The following NCAM2 variants were observed in gnomAD, a reference collection of about 807,000 sequenced individuals.
NCAM2 encodes the protein neural cell adhesion molecule 2.
Under a neutral mutation model 98.1 loss-of-function variants are expected in NCAM2, and 30 were observed. That is an observed-to-expected ratio of 0.31 (90% CI 0.23 to 0.41). NCAM2 has a LOEUF of 0.41. NCAM2 is among the 10% of genes least tolerant of loss of function. The pLI, the probability that NCAM2 is intolerant of heterozygous loss-of-function variation, is 1.00. For synonymous variants in NCAM2, 368 were observed against 342.4 expected, an observed-to-expected ratio of 1.07 and a Z score of -0.83; for missense variants, 867 against 1,005.8, an observed-to-expected ratio of 0.86 and a Z score of 1.87.
At chr21:21,037,006 A>C (rs2064813646) in intron 1 of NCAM2, among the ~76,000 whole-genome samples, 1 of 152,156 alleles carries the variant, frequency 6.6e-6, no homozygotes, top group African/African-American at 2.4e-5. Context: ...ACTAAATAGC[A>C]ATAGATGTCA....
At chr21:21,362,575 C>T (rs975952104) in intron 8 of NCAM2, among the ~76,000 whole-genome samples, 13 of 151,926 alleles carry the variant, frequency 8.6e-5, no homozygotes, top group African/African-American at 3.1e-4. Flanking sequence ...CTCTTAAGAT[C>T]AATTAATGAA....
At chr21:21,150,058 C>T (rs930649863) in intron 1 of NCAM2, among the ~76,000 whole-genome samples, 2 of 152,090 alleles carry the variant, frequency 1.3e-5, no homozygotes, top group Non-Finnish European at 2.9e-5. Context: ...CCTATTTCTC[C>T]ACAGCCTTCT....
At chr21:21,287,960 A>G (rs2073159505) in intron 4 of NCAM2, among the ~76,000 whole-genome samples, 1 of 151,938 alleles carries the variant, frequency 6.6e-6, no homozygotes, top group East Asian at 1.9e-4. Context: ...CTTTAGACAT[A>G]AAGTCCTTTC....
At chr21:21,097,231 C>G (rs1404883767) in intron 1 of NCAM2, among the ~76,000 whole-genome samples, 1 of 151,688 alleles carries the variant, frequency 6.6e-6, no homozygotes, top group Admixed American at 6.6e-5. Context: ...GGTGATTGGT[C>G]ATCGGTCATG....
In NCAM2 at chr21:21,334,438, G is replaced by A. The variant is rs191446467; in HGVS notation, c.738-1067G>A. Among the ~76,000 whole-genome samples the A allele has an allele frequency of 3.3e-5, 5 of 152,232 alleles. No homozygotes were observed. The East Asian group carries it at 9.6e-4, about 29-fold the overall frequency. ...AATTCACTGGAAGGAACTGCTTAGTGTATCAGAGAAATGTTTGATTTTATT... is the reference window on the plus strand; with the variant it reads ...AATTCACTGGAAGGAACTGCTTAGTATATCAGAGAAATGTTTGATTTTATT... On this transcript the variant is annotated intron_variant, in intron 6 of 17. Coordinates refer to ENST00000400546, the MANE Select transcript of NCAM2 (RefSeq NM_004540.5).
intron 1 of NCAM2, among the ~76,000 whole-genome samples, chr21:21,191,687 C>T (rs115470712): frequency 0.014 from 2,109 of 152,136 alleles, 52 homozygotes; most frequent in African/African-American, 0.048. Context: ...GGCTTGTTTT[C>T]GTTAATTTTA....
chr21:21,362,675 A>T (rs1397912370), intron 8 of NCAM2, among the ~76,000 whole-genome samples: 1 of 152,164 alleles, frequency 6.6e-6, no homozygotes. Flanking sequence ...GCAAATTGCA[A>T]GTCTTAAATT....
At chr21:21,262,730 C>T in intron 1 of NCAM2, among the ~76,000 whole-genome samples, 1 of 148,148 alleles carries the variant, frequency 6.8e-6, no homozygotes, top group Non-Finnish European at 1.5e-5. Context: ...TCCATTTTCA[C>T]ACTGGTGGTA....
At chr21:21,146,030 C>A (rs1282561091) in intron 1 of NCAM2, among the ~76,000 whole-genome samples, 1 of 152,128 alleles carries the variant, frequency 6.6e-6, no homozygotes, top group Admixed American at 6.5e-5. Context: ...ACTTTTGCAA[C>A]AGAGAAACAC....
chr21:21,380,834 C>T (rs1484322576), intron 9 of NCAM2, among the ~76,000 whole-genome samples: 1 of 152,150 alleles, frequency 6.6e-6, no homozygotes, highest in African/African-American at 2.4e-5. Context: ...GTGTCAGTAT[C>T]TTTGGGAGGT....
At chr21:21,325,029 G>T (rs1360270508) in intron 6 of NCAM2, among the ~76,000 whole-genome samples, 1 of 149,818 alleles carries the variant, frequency 6.7e-6, no homozygotes, top group African/African-American at 2.5e-5. Context: ...TCTATAATTT[G>T]ATAGTTTATT....
chr21:21,354,909 C>T (rs2075431266), intron 8 of NCAM2, among the ~76,000 whole-genome samples: 1 of 152,160 alleles, frequency 6.6e-6, no homozygotes, highest in South Asian at 2.1e-4. Context: ...GCAATTTCTT[C>T]CCTTTTTTCT....
intron 1 of NCAM2, among the ~76,000 whole-genome samples, chr21:21,234,105 G>A (rs1232762279): frequency 6.6e-6 from 1 of 151,760 alleles, no homozygotes; most frequent in Non-Finnish European, 1.5e-5. Flanking sequence ...TAGTATTAGT[G>A]TAAGGAAAAT....
intron 1 of NCAM2, among the ~76,000 whole-genome samples, chr21:21,100,879 T>G (rs1344979850): frequency 6.6e-6 from 1 of 152,070 alleles, no homozygotes; most frequent in African/African-American, 2.4e-5. Flanking sequence ...TTCATCTCTC[T>G]GAATGTTACA....
chr21:21,313,511 C>T (rs756805070), intron 5 of NCAM2, among the ~76,000 whole-genome samples: 1 of 151,698 alleles, frequency 6.6e-6, no homozygotes, highest in Non-Finnish European at 1.5e-5. Context: ...TTGACATAGC[C>T]ACTGCAGCTT....
At chr21:21,126,878 A>T (rs1437740443) in intron 1 of NCAM2, among the ~76,000 whole-genome samples, 3 of 152,006 alleles carry the variant, frequency 2.0e-5, no homozygotes, top group Non-Finnish European at 4.4e-5. Flanking sequence ...AAGTTAAAAA[A>T]CGTTGATGCT....
intron 5 of NCAM2, among the ~76,000 whole-genome samples, chr21:21,316,360 T>C (rs888358608): frequency 2.0e-5 from 3 of 152,084 alleles, no homozygotes; most frequent in African/African-American, 7.2e-5. Context: ...GTTGGTGTGC[T>C]GCACCCATTA....
chr21:21,415,428 C>T (rs908135622), intron 10 of NCAM2, among the ~76,000 whole-genome samples: 8 of 149,226 alleles, frequency 5.4e-5, no homozygotes, highest in East Asian at 2.0e-4. Flanking sequence ...CTCTGCCTCC[C>T]GGGTTCACAC....
chr21:21,345,107 C>A (rs1281141270), intron 8 of NCAM2, among the ~76,000 whole-genome samples: 2 of 152,074 alleles, frequency 1.3e-5, no homozygotes, highest in Non-Finnish European at 2.9e-5. Flanking sequence ...ACTTAGATCA[C>A]AATACCCAAG....
Sources: gnomAD v4.1 joint callset for allele counts (sites outside exome capture counted in the v4.1 genomes callset) on GRCh38, gnomAD v4.1.1 for gene constraint, MANE v1.5 for transcripts, NCBI Gene and HGNC (gene_info 2026-07-23, HGNC 2026-07-21) for gene names.